Variants in RBBP5 observed in about 807,000 individuals in gnomAD.
RBBP5 encodes RB binding protein 5, histone lysine methyltransferase complex subunit.
Under a neutral mutation model 72.2 loss-of-function variants are expected in RBBP5, and 5 were observed. The ratio of observed to expected loss-of-function variants is 0.07; its 90% CI spans 0.04 to 0.15. The LOEUF is 0.15. RBBP5 is among the 10% of genes least tolerant of loss of function. RBBP5 has a pLI of 1.00. For missense variants in RBBP5, 322 were observed against 652.2 expected, an observed-to-expected ratio of 0.49 and a Z score of 5.51; for synonymous variants, 209 against 237.2, an observed-to-expected ratio of 0.88 and a Z score of 1.09.
intron 13 of RBBP5, among the ~76,000 whole-genome samples, chr1:205,094,313 A>G (rs1272064016): frequency 6.6e-6 from 1 of 152,220 alleles, no homozygotes; most frequent in East Asian, 1.9e-4. Context: ...CTTCCTTAAC[A>G]CGATGGTACT....
chr1:205,112,912 C>T (rs1656372791), intron 3 of RBBP5, among the ~76,000 whole-genome samples: 1 of 152,144 alleles, frequency 6.6e-6, no homozygotes, highest in African/African-American at 2.4e-5. Flanking sequence ...CGATTGAAGC[C>T]AGGAGTTCAA....
At chr1:205,112,562 T>C (rs1195779795) in intron 3 of RBBP5, among the ~76,000 whole-genome samples, 6 of 152,082 alleles carry the variant, frequency 3.9e-5, no homozygotes, top group African/African-American at 1.2e-4. Flanking sequence ...ACATAGCACC[T>C]GGTACATAAC....
At chr1:205,097,433 T>C (rs1410054940) in intron 10 of RBBP5, 38 bp from the exon 11 acceptor site, 4 of 1,537,222 alleles carry the variant, frequency 2.6e-6, no homozygotes, top group Non-Finnish European at 3.5e-6. Context: ...TGAGAAGAAG[T>C]GAAAAACTGC....
At chr1:205,092,527 A>G (rs1349685771) in intron 13 of RBBP5, among the ~76,000 whole-genome samples, 3 of 151,762 alleles carry the variant, frequency 2.0e-5, no homozygotes, top group East Asian at 3.9e-4. Flanking sequence ...GCTCACTGCA[A>G]TATCAAACTC....
intron 1 of RBBP5, among the ~76,000 whole-genome samples, chr1:205,117,179 G>A (rs142518266): frequency 6.6e-6 from 1 of 152,068 alleles, no homozygotes; most frequent in East Asian, 2.0e-4. Context: ...AGCCTCCTGA[G>A]CAGCAGCTGG....
rs1451714602 is a variant in RBBP5 at position 205,105,060 on chromosome 1, G to A, written c.327C>T (p.Pro109=). The A allele has an allele frequency of 6.2e-7, 1 of 1,613,874 alleles. No homozygotes were observed. Among genetic ancestry groups the A allele is most frequent in the African/African-American group, 1.3e-5 (1 of 74,870 alleles). ...GTGGATGATATTGGACTTTTAAGAT[G>A]GGTGAAGGGAATCGAAACCTCTGGT... is the stretch of plus-strand genomic sequence containing the variant. ...DCDQRFRFPS[P]ILKVQYHPRD... is the part of the protein sequence containing the mutation. Residue 109 remains proline (P), a synonymous_variant, in exon 4 of 14, where the codon CCC becomes CCT. Transcript: ENST00000264515.
chr1:205,114,502 GAA>G (rs1293735053), intron 3 of RBBP5, among the ~76,000 whole-genome samples: 1 of 152,088 alleles, frequency 6.6e-6, no homozygotes, highest in Non-Finnish European at 1.5e-5. Flanking sequence ...TATTCTAAAT[GAA>G]AAGTCAATAT....
At chr1:205,103,500 G>C (rs1029130474) in intron 5 of RBBP5, among the ~76,000 whole-genome samples, 7 of 152,148 alleles carry the variant, frequency 4.6e-5, no homozygotes, top group Non-Finnish European at 7.3e-5. Flanking sequence ...TCTCAGTACT[G>C]TAAGTTAAGC....
At chr1:205,096,401 G>A (rs1450075400) in intron 12 of RBBP5, among the ~76,000 whole-genome samples, 2 of 151,996 alleles carry the variant, frequency 1.3e-5, no homozygotes, top group Non-Finnish European at 2.9e-5. Flanking sequence ...CACTCTACGG[G>A]GAAACATTTA....
At position 205,099,841 on chromosome 1, in the gene RBBP5, G is replaced by C; in HGVS notation, c.907-29C>G. The C allele has an allele frequency of 6.2e-7, 1 of 1,613,440 alleles. No homozygotes were observed. ...AATTTTAGTGAAGGAAAGAAAAACA[G>C]GTTGTTAAGAACAGATTTTAGATTT... is the stretch of plus-strand genomic sequence containing the variant. On this transcript the variant is annotated intron_variant, in intron 8 of 13. Coordinates refer to ENST00000264515, the MANE Select transcript of RBBP5 (RefSeq NM_005057.4). The surrounding 1 kb of genome is among the most constrained non-coding windows in gnomAD (Gnocchi z 4.7).
chr1:205,102,232 C>T (rs1655860104), intron 5 of RBBP5, among the ~76,000 whole-genome samples: 1 of 152,060 alleles, frequency 6.6e-6, no homozygotes, highest in Admixed American at 6.6e-5. Flanking sequence ...GCATTATTCA[C>T]AATAACCAAA....
chr1:205,101,333 C>T (rs1282578979), intron 6 of RBBP5, among the ~76,000 whole-genome samples: 2 of 152,144 alleles, frequency 1.3e-5, no homozygotes, highest in Non-Finnish European at 2.9e-5. Flanking sequence ...CCAGTGCTTA[C>T]TATATGCCAG....
chr1:205,120,869 A>G (rs1656711313), intron 1 of RBBP5, among the ~76,000 whole-genome samples: 1 of 152,090 alleles, frequency 6.6e-6, no homozygotes, highest in East Asian at 1.9e-4. Context: ...CCTTTACCCC[A>G]AAGACATTCA....
At chr1:205,109,561 G>A (rs1447555391) in intron 3 of RBBP5, among the ~76,000 whole-genome samples, 1 of 59,802 alleles carries the variant, frequency 1.7e-5, no homozygotes, top group East Asian at 5.9e-4. Context: ...TCTGTACTAG[G>A]GGGTGGGTGG....
At position 205,103,980 on chromosome 1, in the gene RBBP5, G is replaced by T. The variant is rs751595813; in HGVS notation, c.399C>A (p.Val133=). The T allele has an allele frequency of 6.2e-7, 1 of 1,614,054 alleles. No homozygotes were observed. Among genetic ancestry groups the T allele is most frequent in the Non-Finnish European group, 8.5e-7 (1 of 1,179,944 alleles). Residue 133 remains valine (V), a synonymous_variant, in exon 5 of 14, where the codon GTC becomes GTA. Coordinates refer to ENST00000264515, the MANE Select transcript of RBBP5 (RefSeq NM_005057.4). Reference sequence around the variant, plus strand: ...GTTTGGAATCTGAAAGGGTCAACATGACAGGAGCAGATTTCATGGGACACA... The same window carrying T: ...GTTTGGAATCTGAAAGGGTCAACATTACAGGAGCAGATTTCATGGGACACA... The part of the protein sequence containing the change: ...VLVCPMKSAP[V]MLTLSDSKHV...
chr1:205,097,206 T>A, intron 11 of RBBP5, 120 bp downstream of exon 11: 1 of 963,298 alleles, frequency 1.0e-6, no homozygotes, highest in Non-Finnish European at 1.6e-6. Flanking sequence ...ACCAAACGAG[T>A]TATCTCTTTT....
Position 205,099,657 on chromosome 1 carries a change from G to A in RBBP5, c.978+84C>T. On this transcript the variant is annotated intron_variant, in intron 9 of 13. Coordinates refer to ENST00000264515, the MANE Select transcript of RBBP5 (RefSeq NM_005057.4). This position sits in a 1 kb window ranked among gnomAD's most constrained non-coding sequence, Gnocchi z 4.7. The stretch of plus-strand genomic sequence containing the variant: ...ATCATATGCAAAAGAAAATAAAAAT[G>A]TAATTTTTAGCTTCCTATGTATAAG... The A allele has an allele frequency of 7.5e-7, 1 of 1,337,376 alleles. No homozygotes were observed. The highest frequency in any genetic ancestry group is 1.9e-4 in the Middle Eastern group (1 of 5,202). The allele number at this position is 1,337,376 out of a possible 1,614,324, so 82.8% of individuals were successfully genotyped here.
At chr1:205,107,298 G>A (rs1330139955) in intron 3 of RBBP5, among the ~76,000 whole-genome samples, 2 of 152,124 alleles carry the variant, frequency 1.3e-5, no homozygotes, top group East Asian at 3.9e-4. Flanking sequence ...ACTAGGATGA[G>A]CCCAAAGAAA....
At chr1:205,117,603 T>G (rs1656577010) in intron 1 of RBBP5, among the ~76,000 whole-genome samples, 1 of 151,570 alleles carries the variant, frequency 6.6e-6, no homozygotes, top group Non-Finnish European at 1.5e-5. Context: ...GAGGTTGCAG[T>G]GAGCCGAGGT....
Sources: allele counts gnomAD v4.1 joint callset (sites outside exome capture counted in the v4.1 genomes callset), GRCh38; gene constraint gnomAD v4.1.1; non-coding constraint Gnocchi (gnomAD v3.1); transcripts MANE v1.5; gene names NCBI Gene and HGNC (gene_info 2026-07-23, HGNC 2026-07-21).